Variants in PDE8B observed in about 807,000 individuals in gnomAD.
PDE8B encodes phosphodiesterase 8B.
PDE8B carries 26 observed loss-of-function variants against 101.3 expected under a neutral mutation model. The observed-to-expected ratio is 0.26, with a 90% CI of 0.19 to 0.36. The LOEUF is 0.36. PDE8B is among the 10% of genes least tolerant of loss of function. The pLI is 1.00. For synonymous variants in PDE8B, 424 were observed against 429.3 expected, an observed-to-expected ratio of 0.99 and a Z score of 0.15; for missense variants, 810 against 1,163.1, an observed-to-expected ratio of 0.70 and a Z score of 4.42.
In PDE8B at chr5:77,276,457, T is replaced by C. The variant is rs951610562; in HGVS notation, c.340-35537T>C. Among the ~76,000 whole-genome samples the C allele has an allele frequency of 2.0e-5, 3 of 152,364 alleles. No individual in the cohort carries two copies. The South Asian group carries it at 6.2e-4, about 32-fold the overall frequency. On this transcript the variant is annotated intron_variant, in intron 1 of 21. Coordinates refer to ENST00000264917, the MANE Select transcript of PDE8B (RefSeq NM_003719.5). ...CATGCCACTTGTCATAATCTGTCATTCTCATGTTTGTTTGCTTACTTTTTG... is the reference window on the plus strand; with the variant it reads ...CATGCCACTTGTCATAATCTGTCATCCTCATGTTTGTTTGCTTACTTTTTG...
intron 1 of PDE8B, among the ~76,000 whole-genome samples, chr5:77,278,660 G>A (rs571297350): frequency 9.9e-5 from 15 of 152,064 alleles, no homozygotes; most frequent in Admixed American, 7.2e-4. Flanking sequence ...TAGTAGAGAC[G>A]GGGTTTCACT....
chr5:77,332,436 T>A (rs1343717172), intron 5 of PDE8B, among the ~76,000 whole-genome samples: 1 of 152,174 alleles, frequency 6.6e-6, no homozygotes, highest in East Asian at 1.9e-4. Flanking sequence ...ACATCATGAA[T>A]AACACTGATA....
At chr5:77,278,842 C>T (rs530149962) in intron 1 of PDE8B, among the ~76,000 whole-genome samples, 4 of 152,162 alleles carry the variant, frequency 2.6e-5, no homozygotes, top group South Asian at 2.1e-4. Flanking sequence ...CAATTTTTTA[C>T]GCTTTTTATC....
At chr5:77,373,710 GTACCA>G (rs1402790454) in intron 10 of PDE8B, among the ~76,000 whole-genome samples, 4 of 152,014 alleles carry the variant, frequency 2.6e-5, no homozygotes, top group African/African-American at 9.7e-5. Flanking sequence ...TATAATTTAC[GTACCA>G]TACAATGTAT....
rs141904800 is a variant in PDE8B at position 77,385,645 on chromosome 5, G to A, written c.1168-14603G>A. 5.9e-3 allele frequency among the ~76,000 whole-genome samples: 902 copies of A among 152,150 alleles called. 11 individuals carry two copies. The highest frequency in any genetic ancestry group is 0.021 in the African/African-American group (851 of 41,502). Reference sequence around the variant, plus strand: ...ATTTCCCTCAAACACTGCTTTAAATGTGTCCCAGAGATTCTGGTACATTGT... The same window carrying A: ...ATTTCCCTCAAACACTGCTTTAAATATGTCCCAGAGATTCTGGTACATTGT... On this transcript the variant is annotated intron_variant, in intron 10 of 21. Coordinates refer to ENST00000264917, the MANE Select transcript of PDE8B (RefSeq NM_003719.5).
intron 2 of PDE8B, 41 bp downstream of exon 2, chr5:77,312,094 C>CTTTTTTTTTTTT: frequency 9.1e-7 from 1 of 1,095,632 alleles, no homozygotes; most frequent in Non-Finnish European, 1.3e-6. Flanking sequence ...AGATTATTTT[C>CTTTTTTTTTTTT]TTTTTTTTTT....
chr5:77,258,731 C>A lies in PDE8B; in HGVS notation c.339+47467C>A, dbSNP rs143266225. 7.6e-4 allele frequency among the ~76,000 whole-genome samples: 116 copies of A among 152,232 alleles called. 1 individual carries two copies. The East Asian group carries it at 0.021, about 28-fold the overall frequency. Reference sequence around the variant, plus strand: ...CAGTTATTAAAAAGTTCAGTCTGATCTTAATCAAAACTCCCATCTCCCATT... The same window carrying A: ...CAGTTATTAAAAAGTTCAGTCTGATATTAATCAAAACTCCCATCTCCCATT... On this transcript the variant is annotated intron_variant, in intron 1 of 21. Transcript: ENST00000264917.
intron 13 of PDE8B, 101 bp from the exon 14 acceptor site, chr5:77,408,792 G>A: frequency 2.1e-6 from 2 of 932,442 alleles, no homozygotes; most frequent in Non-Finnish European, 3.5e-6. Flanking sequence ...TTGAATAAGA[G>A]ATGGTTACCC....
chr5:77,206,093 T>C (rs1747481625), upstream of PDE8B, among the ~76,000 whole-genome samples: 1 of 151,984 alleles, frequency 6.6e-6, no homozygotes, highest in African/African-American at 2.4e-5. Context: ...ACAAATAAAA[T>C]AACCCCTTCC....
At chr5:77,356,249 C>T (rs1053754911) in intron 10 of PDE8B, among the ~76,000 whole-genome samples, 5 of 152,108 alleles carry the variant, frequency 3.3e-5, no homozygotes, top group East Asian at 1.9e-4. Flanking sequence ...CATACTGGTG[C>T]GGACACGAGA....
chr5:77,155,948 T>C, the PDE8B span, among the ~76,000 whole-genome samples: 2 of 152,264 alleles, frequency 1.3e-5, no homozygotes, highest in African/African-American at 2.4e-5. Context: ...TTCTCTCTGC[T>C]GTCAGCTAAG....
intron 19 of PDE8B, among the ~76,000 whole-genome samples, chr5:77,420,673 C>T (rs1003773177): frequency 2.0e-5 from 3 of 152,094 alleles, no homozygotes; most frequent in African/African-American, 7.2e-5. Context: ...ATTTAAGCTC[C>T]TTCCCCCAGG....
At chr5:77,318,703 T>C (rs886653655) in intron 2 of PDE8B, among the ~76,000 whole-genome samples, 2 of 152,362 alleles carry the variant, frequency 1.3e-5, no homozygotes, top group East Asian at 1.9e-4. Context: ...CCATTTTTTT[T>C]CAGCTCAAAT....
the PDE8B span, among the ~76,000 whole-genome samples, chr5:77,133,253 G>A: frequency 1.7e-4 from 26 of 152,306 alleles, no homozygotes; most frequent in Middle Eastern, 3.4e-3. Context: ...TAGCCCACTG[G>A]TTCTAGAAGG....
At chr5:77,102,555 A>G in the PDE8B span, among the ~76,000 whole-genome samples, 1 of 152,216 alleles carries the variant, frequency 6.6e-6, no homozygotes, top group East Asian at 1.9e-4. Context: ...AGCGTTGTTC[A>G]TTATTTATCA....
chr5:77,387,677 C>T (rs1199324132), intron 10 of PDE8B, among the ~76,000 whole-genome samples: 1 of 152,178 alleles, frequency 6.6e-6, no homozygotes, highest in Admixed American at 6.5e-5. Context: ...TGTTTTCCAA[C>T]TTGGTTCCAT....
intron 10 of PDE8B, among the ~76,000 whole-genome samples, chr5:77,383,308 G>A (rs1414229206): frequency 1.3e-5 from 2 of 152,056 alleles, no homozygotes; most frequent in Non-Finnish European, 2.9e-5. Context: ...TTGTAAATTT[G>A]TTTAAGTTTT....
chr5:77,146,815 C>A, the PDE8B span: 1 of 343,270 alleles, frequency 2.9e-6, no homozygotes, highest in South Asian at 3.0e-5. Flanking sequence ...CCTAAAGATC[C>A]CCTTTAGGAC....
intron 4 of PDE8B, among the ~76,000 whole-genome samples, chr5:77,329,262 A>G (rs1282545468): frequency 6.6e-6 from 1 of 152,152 alleles, no homozygotes; most frequent in African/African-American, 2.4e-5. Context: ...ATCTTGTGTA[A>G]TTGCCTTTAG....
Sources: gnomAD v4.1 joint callset for allele counts (sites outside exome capture counted in the v4.1 genomes callset) on GRCh38, gnomAD v4.1.1 for gene constraint, MANE v1.5 for transcripts, NCBI Gene and HGNC (gene_info 2026-07-23, HGNC 2026-07-21) for gene names.